Variants in AFTPH observed in about 807,000 individuals in gnomAD.
AFTPH encodes aftiphilin.
AFTPH carries 7 observed loss-of-function variants against 72.5 expected under a neutral mutation model. The ratio of observed to expected loss-of-function variants is 0.10; its 90% CI spans 0.05 to 0.18. The LOEUF (loss-of-function observed/expected upper bound fraction) is 0.18, where lower values mean the gene tolerates loss of function less well. AFTPH is among the 10% of genes least tolerant of loss of function. The pLI is 1.00. For synonymous variants in AFTPH, 337 were observed against 370.1 expected (o/e 0.91, Z 1.03); for missense variants, 979 against 1,060.5 (o/e 0.92, Z 1.07).
intron 2 of AFTPH, among the ~76,000 whole-genome samples, chr2:64,561,904 C>G (rs937446362): frequency 6.6e-6 from 1 of 152,068 alleles, no homozygotes. Context: ...GTTATCACCG[C>G]ACCATTTAAC....
At chr2:64,539,282 C>T (rs1670072923) in intron 1 of AFTPH, among the ~76,000 whole-genome samples, 1 of 152,154 alleles carries the variant, frequency 6.6e-6, no homozygotes, top group African/African-American at 2.4e-5. Flanking sequence ...CTCACTGACA[C>T]CTCTGCTTAT....
exon 2 of AFTPH, chr2:64,551,543 T>C (rs1367516811): frequency 6.2e-7 from 1 of 1,614,098 alleles, no homozygotes; most frequent in Admixed American, 1.7e-5. Context: ...CAGAGGATGA[T>C]GATGATGATG....
At chr2:64,578,218 C>T (rs1274071728) in intron 6 of AFTPH, among the ~76,000 whole-genome samples, 2 of 152,140 alleles carry the variant, frequency 1.3e-5, no homozygotes, top group Non-Finnish European at 2.9e-5. Context: ...GATTCATGCT[C>T]CTTTTCTATA....
intron 7 of AFTPH, among the ~76,000 whole-genome samples, chr2:64,583,671 T>C (rs1002711768): frequency 2.6e-5 from 4 of 152,210 alleles, no homozygotes; most frequent in Non-Finnish European, 4.4e-5. Flanking sequence ...TACAGACATA[T>C]ACAATTTTTT....
At chr2:64,525,838 A>C (rs1669229020) in intron 1 of AFTPH, among the ~76,000 whole-genome samples, 2 of 152,246 alleles carry the variant, frequency 1.3e-5, no homozygotes, top group African/African-American at 4.8e-5. Flanking sequence ...TAAACAAAGT[A>C]TCTGTGGTAG....
At chr2:64,575,206 G>A (rs1672689121) in intron 6 of AFTPH, among the ~76,000 whole-genome samples, 1 of 152,010 alleles carries the variant, frequency 6.6e-6, no homozygotes, top group South Asian at 2.1e-4. Context: ...TTTCACTATG[G>A]ACTTGACAAA....
At chr2:64,590,498 C>T (rs927308461) in intron 8 of AFTPH, among the ~76,000 whole-genome samples, 5 of 152,180 alleles carry the variant, frequency 3.3e-5, no homozygotes, top group African/African-American at 1.2e-4. Context: ...TTCCATTATA[C>T]AGTTCCAGGT....
At chr2:64,543,911 G>A (rs1305018422) in intron 1 of AFTPH, among the ~76,000 whole-genome samples, 5 of 152,130 alleles carry the variant, frequency 3.3e-5, no homozygotes, top group Admixed American at 2.0e-4. Flanking sequence ...AGCAAGTGCA[G>A]CTTCTCTTTT....
chr2:64,570,501 G>A (rs539552576), intron 5 of AFTPH, among the ~76,000 whole-genome samples: 1 of 152,208 alleles, frequency 6.6e-6, no homozygotes, highest in South Asian at 2.1e-4. Context: ...ATTTTGATTT[G>A]TTTTGTGGGA....
intron 1 of AFTPH, among the ~76,000 whole-genome samples, chr2:64,536,681 G>A (rs947775068): frequency 2.6e-5 from 4 of 151,744 alleles, no homozygotes; most frequent in African/African-American, 9.7e-5. Context: ...AGCAGGGCGT[G>A]GTGACTCAAA....
intron 1 of AFTPH, among the ~76,000 whole-genome samples, chr2:64,536,665 A>G (rs1318780449): frequency 1.3e-5 from 2 of 151,486 alleles, no homozygotes; most frequent in African/African-American, 4.8e-5. Flanking sequence ...TCAAAAGAGA[A>G]TTGCCAGCAG....
intron 8 of AFTPH, among the ~76,000 whole-genome samples, chr2:64,587,659 C>T (rs1049420981): frequency 2.0e-5 from 3 of 152,232 alleles, no homozygotes; most frequent in African/African-American, 7.2e-5. Flanking sequence ...AGAAATTTGA[C>T]ATGGACCAAA....
rs537949067 is a variant in AFTPH, at chr2:64,531,928, T to A, written c.-33+7316T>A. Among the ~76,000 whole-genome samples the A allele has an allele frequency of 1.2e-4, 19 of 152,342 alleles. No individual in the cohort carries two copies. In the South Asian group the frequency reaches 3.9e-3, roughly 32 times the overall value. The stretch of plus-strand genomic sequence containing the variant: ...AAATATAAGATTAACTTAACTCTTA[T>A]AGAAAGGAATACATAGATTTTTTAA... On this transcript the variant is annotated intron_variant, in intron 1 of 8. Coordinates refer to ENST00000238856, the Ensembl canonical transcript of AFTPH.
At chr2:64,564,879 C>T (rs1383242667) in intron 2 of AFTPH, among the ~76,000 whole-genome samples, 1 of 151,292 alleles carries the variant, frequency 6.6e-6, no homozygotes, top group African/African-American at 2.4e-5. Context: ...GCTCTGTCAC[C>T]CAGGCTGGAC....
At chr2:64,552,758 T>C in exon 2 of AFTPH, 1 of 1,614,196 alleles carries the variant, frequency 6.2e-7, no homozygotes, top group Non-Finnish European at 8.5e-7. Context: ...ATGATATCAA[T>C]GAAGATGATT....
intron 8 of AFTPH, among the ~76,000 whole-genome samples, chr2:64,589,423 C>T (rs530041236): frequency 2.2e-4 from 33 of 152,258 alleles, no homozygotes; most frequent in Non-Finnish European, 3.7e-4. Context: ...GATAAATCTT[C>T]ACTAGAGAGG....
chr2:64,549,618 T>C (rs935154446), intron 1 of AFTPH, among the ~76,000 whole-genome samples: 4 of 152,070 alleles, frequency 2.6e-5, no homozygotes, highest in Admixed American at 2.6e-4. Flanking sequence ...TTGCTTGTAA[T>C]GTTAAATCTG....
exon 9 of AFTPH, chr2:64,592,083 T>C: frequency 6.6e-7 from 1 of 1,515,544 alleles, no homozygotes; most frequent in Non-Finnish European, 9.0e-7. Flanking sequence ...TTTCCATCCC[T>C]TCCCTACCAT....
At chr2:64,552,096 G>A (rs1329486439) in exon 2 of AFTPH, 11 of 1,613,898 alleles carry the variant, frequency 6.8e-6, no homozygotes, top group Non-Finnish European at 9.3e-6. Flanking sequence ...TGATTCAAAG[G>A]GACGGAAGCC....
Sources: allele counts gnomAD v4.1 joint callset (sites outside exome capture counted in the v4.1 genomes callset), GRCh38; gene constraint gnomAD v4.1.1; transcripts MANE v1.5; gene names NCBI Gene and HGNC (gene_info 2026-07-23, HGNC 2026-07-21).